The following LTBP1 variants were observed in gnomAD, a reference collection of about 807,000 sequenced individuals.
LTBP1 encodes the protein latent transforming growth factor beta binding protein 1, also known as latent-transforming growth factor beta-binding protein 1.
Under a neutral mutation model 207.6 loss-of-function variants are expected in LTBP1, and 129 were observed. That is an observed-to-expected ratio of 0.62 (90% confidence interval 0.54 to 0.72). LTBP1 has a LOEUF of 0.72. Ranked by LOEUF, LTBP1 falls within the 30% of genes least tolerant of loss-of-function variation. The probability of loss-of-function intolerance (pLI) is 0.00; values close to 1 mark genes in which losing one functional copy is unlikely to be tolerated. For missense variants in LTBP1, 2,281 were observed against 2,217.2 expected, an observed-to-expected ratio of 1.03 and a Z score of -0.58; for synonymous variants, 963 against 833.7, an observed-to-expected ratio of 1.16 and a Z score of -2.67.
Position 33,364,268 on chromosome 2 carries a change from T to A in LTBP1, c.4452T>A (p.Asn1484Lys), listed in dbSNP as rs772873889. ...PSSCIDGQCV[N>K]TEGSYNCFCT... The stretch of plus-strand genomic sequence containing the variant: ...GTTGTATTGATGGCCAGTGTGTTAA[T>A]ACAGAGGGCTCTTACAACTGCTTCT... The change falls in exon 30 of 34, where the codon AAT becomes AAA. Residue 1484 changes from asparagine to lysine, a missense_variant. This residue lies in a region of LTBP1 where 1,671 missense variants were observed against 1,634.8 expected (regional missense o/e 1.02). Coordinates refer to ENST00000404816, the MANE Select transcript of LTBP1 (RefSeq NM_206943.4). 6 of 1,614,090 alleles carry A rather than the reference T, an allele frequency of 3.7e-6. No homozygotes were observed.
chr2:33,248,212 A>C (rs1429756629), intron 10 of LTBP1, among the ~76,000 whole-genome samples: 1 of 152,248 alleles, frequency 6.6e-6, no homozygotes, highest in African/African-American at 2.4e-5. Flanking sequence ...TTTTTATTGC[A>C]AACTTCGTAA....
At chr2:33,130,558 G>A (rs2081717131) in intron 4 of LTBP1, among the ~76,000 whole-genome samples, 1 of 152,028 alleles carries the variant, frequency 6.6e-6, no homozygotes, top group African/African-American at 2.4e-5. Flanking sequence ...TTTCTCTATT[G>A]TTAACAACCC....
intron 5 of LTBP1, among the ~76,000 whole-genome samples, chr2:33,136,182 G>A (rs978311284): frequency 6.6e-6 from 1 of 152,164 alleles, no homozygotes; most frequent in Non-Finnish European, 1.5e-5. Flanking sequence ...GAGTTTCCTG[G>A]CTATGATAGG....
At chr2:33,125,765 G>A (rs1230775819) in intron 4 of LTBP1, among the ~76,000 whole-genome samples, 1 of 151,566 alleles carries the variant, frequency 6.6e-6, no homozygotes, top group East Asian at 1.9e-4. Context: ...GGGAGGTGGA[G>A]GTTGCAGTGA....
intron 24 of LTBP1, among the ~76,000 whole-genome samples, chr2:33,330,347 T>C (rs62148931): frequency 0.23 from 35,224 of 151,790 alleles, 5,321 homozygotes; most frequent in Non-Finnish European, 0.33. Context: ...CTGGTAAGCA[T>C]ACTTTTATTT....
chr2:33,100,537 T>G (rs1175641651), intron 3 of LTBP1, among the ~76,000 whole-genome samples: 1 of 152,152 alleles, frequency 6.6e-6, no homozygotes, highest in African/African-American at 2.4e-5. Context: ...TAAAAAATTT[T>G]TGTAAAGTAT....
In LTBP1 at chr2:33,263,432, G is replaced by C. The variant is rs376428593; in HGVS notation, c.2617+40G>C. The C allele has an allele frequency of 3.8e-5, 54 of 1,435,532 alleles. 1 individual carries two copies. The highest frequency in any genetic ancestry group is 1.9e-5 in the Non-Finnish European group (19 of 1,021,648). 88.9% of individuals were successfully genotyped at this position (1,435,532 alleles called of 1,614,324 possible). A position where few individuals can be genotyped will look rare whatever the true frequency, so the allele number is the denominator to read the frequency against. On this transcript the variant is annotated intron_variant, in intron 15 of 33. Transcript: ENST00000404816. ...TTTACATTATATATCACATGGAGGA[G>C]ACGTGGGGCTGAGCTTCATTTTAAA...
intron 9 of LTBP1, among the ~76,000 whole-genome samples, chr2:33,234,001 C>CT (rs1273380035): frequency 8.6e-5 from 13 of 152,008 alleles, no homozygotes; most frequent in Admixed American, 2.0e-4. Flanking sequence ...TTTTCTAGAG[C>CT]TTATCACTAC....
At chr2:33,020,766 C>G in intron 2 of LTBP1, 143 bp from the exon 3 acceptor site, 1 of 732,750 alleles carries the variant, frequency 1.4e-6, no homozygotes, top group Non-Finnish European at 2.2e-6. Flanking sequence ...CTCCGCCCAA[C>G]TGCCCCACCT....
intron 9 of LTBP1, among the ~76,000 whole-genome samples, chr2:33,227,286 A>G (rs2091494348): frequency 6.6e-6 from 1 of 152,090 alleles, no homozygotes; most frequent in Non-Finnish European, 1.5e-5. Context: ...CTCCACCTCC[A>G]GAAGTGCTGG....
At chr2:33,351,694 C>T (rs1245123857) in intron 26 of LTBP1, among the ~76,000 whole-genome samples, 1 of 152,130 alleles carries the variant, frequency 6.6e-6, no homozygotes, top group Non-Finnish European at 1.5e-5. Flanking sequence ...TTAGTCTCAT[C>T]CCAGAGTCGT....
intron 3 of LTBP1, among the ~76,000 whole-genome samples, chr2:33,042,835 T>C (rs185483727): frequency 6.4e-4 from 97 of 152,278 alleles, no homozygotes; most frequent in Non-Finnish European, 1.1e-3. Context: ...TTTAAAAAAA[T>C]ATTTGGCTGA....
At chr2:33,250,863 G>C (rs1275499938) in intron 10 of LTBP1, among the ~76,000 whole-genome samples, 1 of 152,142 alleles carries the variant, frequency 6.6e-6, no homozygotes, top group African/African-American at 2.4e-5. Flanking sequence ...TACCACCTGT[G>C]GGCCTGGGGA....
At chr2:33,191,922 T>G (rs188540577) in intron 7 of LTBP1, among the ~76,000 whole-genome samples, 39 of 152,274 alleles carry the variant, frequency 2.6e-4, no homozygotes, top group Admixed American at 2.6e-3. Flanking sequence ...TTCTAATAAT[T>G]AGGTAGTAAA....
At chr2:32,956,581 C>G (rs1036153222) in intron 2 of LTBP1, among the ~76,000 whole-genome samples, 4 of 152,168 alleles carry the variant, frequency 2.6e-5, no homozygotes, top group African/African-American at 9.7e-5. Context: ...GTGACTTCCT[C>G]CACTGAAGTC....
At chr2:33,306,460 C>T (rs960827068) in intron 22 of LTBP1, among the ~76,000 whole-genome samples, 4 of 151,996 alleles carry the variant, frequency 2.6e-5, no homozygotes, top group Admixed American at 6.6e-5. Context: ...ATCCCAGCTA[C>T]TGGGGAGGCT....
rs771535027 is a variant in LTBP1 at position 33,257,323 on chromosome 2, C to T, written c.2207C>T (p.Thr736Met). The change falls in exon 12 of 34, where the codon ACG becomes ATG. Residue 736 changes from threonine to methionine, a missense_variant. Thr to Met is a moderately conservative substitution (Grantham distance 81). This residue lies in a region of LTBP1 where 1,671 missense variants were observed against 1,634.8 expected (regional missense o/e 1.02). Transcript: ENST00000404816. Reference sequence around the variant, plus strand: ...ATCTGTCCTGGTGGAATGGGTTATACGGTTTCTGGCGTTCATAGACGCAGG... The same window carrying T: ...ATCTGTCCTGGTGGAATGGGTTATATGGTTTCTGGCGTTCATAGACGCAGG... The part of the protein sequence containing the change: ...KEICPGGMGY[T>M]VSGVHRRRPI... 9 of 1,614,150 alleles carry T rather than the reference C, an allele frequency of 5.6e-6. No individual in the cohort carries two copies. Among genetic ancestry groups the T allele is most frequent in the South Asian group, 1.1e-5 (1 of 91,078 alleles).
At position 33,328,162 on chromosome 2, in the gene LTBP1, T is replaced by TAAATAAATAAATAAATA. The variant is rs61232623; in HGVS notation, c.3730+12900_3730+12901insTAAATAAATAAAATAAA. On this transcript the variant is annotated intron_variant, in intron 24 of 33. Transcript: ENST00000404816. ...ATAAATAAATAAATAAATAAATAAA[T>TAAATAAATAAATAAATA]AAATAAAATAAAAATAAAATGCATG... is the stretch of plus-strand genomic sequence containing the variant. 2.1e-3 allele frequency among the ~76,000 whole-genome samples: 311 copies of TAAATAAATAAATAAATA among 145,924 alleles called. 3 individuals are homozygous for TAAATAAATAAATAAATA. Among genetic ancestry groups the TAAATAAATAAATAAATA allele is most frequent in the African/African-American group, 8.2e-3 (297 of 36,394 alleles).
intron 31 of LTBP1, among the ~76,000 whole-genome samples, chr2:33,378,685 G>A (rs1339182098): frequency 6.6e-6 from 1 of 152,138 alleles, no homozygotes; most frequent in Non-Finnish European, 1.5e-5. Flanking sequence ...TAAGTTTGAG[G>A]TTTTGAATTC....
Sources: allele counts gnomAD v4.1 joint callset (sites outside exome capture counted in the v4.1 genomes callset), GRCh38; gene constraint gnomAD v4.1.1; regional missense constraint gnomAD v4.1.1; transcripts MANE v1.5; gene names NCBI Gene and HGNC (gene_info 2026-07-23, HGNC 2026-07-21).